Variants in CHLSN observed in about 807,000 individuals in gnomAD.
CHLSN encodes the protein protein cholesin.
At chr7:1,058,882 G>A in the CHLSN span, 34,748 of 213,214 alleles carry the variant, frequency 0.16, 3,098 homozygotes, top group African/African-American at 0.19. Context: ...CCCCTTGTTT[G>A]TTTTACAAAA....
chr7:1,055,318 C>T, the CHLSN span: 9 of 471,164 alleles, frequency 1.9e-5, no homozygotes, highest in Non-Finnish European at 4.0e-5. Flanking sequence ...CACACGCACG[C>T]GCAGGCGGCC....
the CHLSN span, chr7:1,009,822 G>T: frequency 1.2e-6 from 1 of 822,950 alleles, no homozygotes; most frequent in Non-Finnish European, 1.8e-6. Context: ...CACAGGCCTG[G>T]CATGAACGCT....
At chr7:1,049,989 G>C in the CHLSN span, among the ~76,000 whole-genome samples, 2 of 152,000 alleles carry the variant, frequency 1.3e-5, no homozygotes, top group Non-Finnish European at 2.9e-5. Context: ...CCACACTGTC[G>C]GCCCCCAAAG....
chr7:1,059,500 CGTAGTGGGGCGGGTCT>C, the CHLSN span, among the ~76,000 whole-genome samples: 1 of 121,868 alleles, frequency 8.2e-6, no homozygotes, highest in Non-Finnish European at 1.7e-5. Context: ...GGGGCGGGTC[CGTAGTGGGGCGGGTCT>C]GTAGTGAGGC....
At chr7:1,072,587 C>T in the CHLSN span, among the ~76,000 whole-genome samples, 2 of 152,086 alleles carry the variant, frequency 1.3e-5, no homozygotes, top group African/African-American at 4.8e-5. Flanking sequence ...CTTCCCTAAA[C>T]GTCTGAGGGG....
the CHLSN span, among the ~76,000 whole-genome samples, chr7:1,076,822 G>T: frequency 6.6e-6 from 1 of 152,246 alleles, no homozygotes; most frequent in South Asian, 2.1e-4. Flanking sequence ...TTGCCTGGCT[G>T]GGGAGAGGAC....
the CHLSN span, among the ~76,000 whole-genome samples, chr7:980,693 T>C: frequency 6.8e-6 from 1 of 146,520 alleles, no homozygotes; most frequent in Non-Finnish European, 1.5e-5. Flanking sequence ...ACTTTTTTTT[T>C]TTTTTTTTTT....
chr7:1,137,632 C>T, the CHLSN span: 1 of 152,036 alleles, frequency 6.6e-6, no homozygotes, highest in Admixed American at 6.5e-5. Flanking sequence ...GGTGAGACCC[C>T]ATTTCTACAA....
At chr7:1,082,407 G>A in the CHLSN span, 3 of 152,272 alleles carry the variant, frequency 2.0e-5, no homozygotes, top group Admixed American at 2.0e-4. Flanking sequence ...GCGTGCACAG[G>A]ACTCTACAGC....
chr7:1,116,226 C>G, the CHLSN span, among the ~76,000 whole-genome samples: 40 of 143,888 alleles, frequency 2.8e-4, no homozygotes, highest in African/African-American at 8.4e-4. Flanking sequence ...CCATCACCAA[C>G]GCCCACGCAG....
the CHLSN span, among the ~76,000 whole-genome samples, chr7:1,098,471 C>T: frequency 6.6e-6 from 1 of 152,246 alleles, no homozygotes; most frequent in Non-Finnish European, 1.5e-5. Flanking sequence ...GACCACACCA[C>T]AGCATGGTGG....
At chr7:985,453 T>C in the CHLSN span, 1 of 1,058,642 alleles carries the variant, frequency 9.4e-7, no homozygotes, top group South Asian at 1.6e-5. Flanking sequence ...AGGAATCAGA[T>C]GCAAGGGCCT....
At chr7:1,130,457 C>T in the CHLSN span, among the ~76,000 whole-genome samples, 2 of 152,022 alleles carry the variant, frequency 1.3e-5, no homozygotes, top group Admixed American at 1.3e-4. Context: ...GCTGCTGCAG[C>T]GAAGCCTCCT....
the CHLSN span, among the ~76,000 whole-genome samples, chr7:1,004,594 C>T: frequency 1.3e-5 from 2 of 152,334 alleles, no homozygotes; most frequent in Middle Eastern, 3.4e-3. Flanking sequence ...AGCCGTCCCG[C>T]TCTTGGCCTC....
At chr7:1,060,816 C>A in the CHLSN span, among the ~76,000 whole-genome samples, 1 of 152,202 alleles carries the variant, frequency 6.6e-6, no homozygotes, top group African/African-American at 2.4e-5. Flanking sequence ...GTAAGGGCCG[C>A]GTCTCTGATG....
At chr7:1,014,346 A>C in the CHLSN span, among the ~76,000 whole-genome samples, 1 of 152,346 alleles carries the variant, frequency 6.6e-6, no homozygotes, top group East Asian at 1.9e-4. Flanking sequence ...CAAGAGACAC[A>C]GAGAAGAAAT....
chr7:1,106,763 T>C, the CHLSN span, among the ~76,000 whole-genome samples: 1 of 152,192 alleles, frequency 6.6e-6, no homozygotes, highest in African/African-American at 2.4e-5. Flanking sequence ...TCCCTGGCTG[T>C]GCTCCCAGCT....
At chr7:1,014,903 G>C in the CHLSN span, among the ~76,000 whole-genome samples, 1 of 152,234 alleles carries the variant, frequency 6.6e-6, no homozygotes, top group East Asian at 1.9e-4. Flanking sequence ...CTTCCTGCCT[G>C]CGGGCCCTCC....
the CHLSN span, among the ~76,000 whole-genome samples, chr7:988,013 T>TCTGTGTGTCCTGGGGGTCCCC: frequency 2.1e-5 from 3 of 144,228 alleles, no homozygotes; most frequent in African/African-American, 7.8e-5. Flanking sequence ...GGGGGTCCCC[T>TCTGTGTGTCCTGGGGGTCCCC]CTGTGTGTCC....
Sources: allele counts gnomAD v4.1 joint callset (sites outside exome capture counted in the v4.1 genomes callset), GRCh38; gene constraint gnomAD v4.1.1; transcripts MANE v1.5; gene names NCBI Gene and HGNC (gene_info 2026-07-23, HGNC 2026-07-21).